Variants in STIM2 observed in about 807,000 individuals in gnomAD.
STIM2 encodes the protein stromal interaction molecule 2.
A neutral mutation model predicts 85.8 loss-of-function variants in STIM2; 31 were observed. The ratio of observed to expected loss-of-function variants is 0.36; its 90% CI spans 0.27 to 0.49. The LOEUF is 0.49. STIM2 is among the 20% of genes least tolerant of loss of function. The pLI is 0.98. For synonymous variants in STIM2, 356 were observed against 331.1 expected (o/e 1.08, Z -0.82); for missense variants, 841 against 927.6 (o/e 0.91, Z 1.21).
intron 2 of STIM2, among the ~76,000 whole-genome samples, chr4:26,934,681 A>G (rs547773945): frequency 1.5e-3 from 228 of 152,308 alleles, no homozygotes; most frequent in African/African-American, 5.3e-3. Flanking sequence ...CGGGAGGCCG[A>G]GGTGGGTGAA....
chr4:26,960,130 A>T (rs899374786), intron 3 of STIM2, among the ~76,000 whole-genome samples: 2 of 152,164 alleles, frequency 1.3e-5, no homozygotes, highest in African/African-American at 2.4e-5. Flanking sequence ...AGTCCCAGGG[A>T]CAGGGCATGT....
At chr4:27,015,537 C>T (rs567501765) in intron 10 of STIM2, among the ~76,000 whole-genome samples, 1 of 152,014 alleles carries the variant, frequency 6.6e-6, no homozygotes, top group East Asian at 1.9e-4. Context: ...CCTGAAAATA[C>T]TTTATTTTCA....
At chr4:26,879,350 C>G (rs1259427737) in intron 1 of STIM2, among the ~76,000 whole-genome samples, 1 of 151,444 alleles carries the variant, frequency 6.6e-6, no homozygotes, top group Non-Finnish European at 1.5e-5. Context: ...TTTTTACCTG[C>G]CTGTGGTGAA....
At chr4:26,908,684 A>G (rs540476460) in intron 1 of STIM2, among the ~76,000 whole-genome samples, 4 of 152,138 alleles carry the variant, frequency 2.6e-5, no homozygotes, top group African/African-American at 4.8e-5. Context: ...GAGTTTCACC[A>G]TGTTGGCCAG....
chr4:27,021,134 T>A (rs1021978714), intron 11 of STIM2: 19 of 1,384,628 alleles, frequency 1.4e-5, no homozygotes, highest in Admixed American at 2.0e-5. Context: ...CACCCACCCT[T>A]CCATTCATTC....
At chr4:27,001,501 A>AAAG (rs1231053217) in intron 5 of STIM2, among the ~76,000 whole-genome samples, 1 of 152,216 alleles carries the variant, frequency 6.6e-6, no homozygotes, top group Non-Finnish European at 1.5e-5. Flanking sequence ...TATCAGCCTT[A>AAAG]GCACTAGTCA....
At chr4:27,019,460 G>C (rs954882683) in intron 11 of STIM2, 1 of 1,289,758 alleles carries the variant, frequency 7.8e-7, no homozygotes, top group Non-Finnish European at 1.0e-6. Context: ...GTGGTTTCTG[G>C]AAATCAGAAG....
intron 1 of STIM2, among the ~76,000 whole-genome samples, chr4:26,902,422 G>A (rs1311910685): frequency 6.6e-6 from 1 of 152,160 alleles, no homozygotes; most frequent in Admixed American, 6.6e-5. Flanking sequence ...AATCCTAAGT[G>A]TTAAGAGTAT....
chr4:26,902,739 A>C (rs1000085504), intron 1 of STIM2, among the ~76,000 whole-genome samples: 1 of 152,102 alleles, frequency 6.6e-6, no homozygotes, highest in African/African-American at 2.4e-5. Flanking sequence ...GCCCATTTCT[A>C]TCCATTTGAT....
At chr4:26,871,054 G>T (rs1722592977) in intron 1 of STIM2, among the ~76,000 whole-genome samples, 1 of 152,172 alleles carries the variant, frequency 6.6e-6, no homozygotes, top group Admixed American at 6.5e-5. Context: ...ATTTGAGAAT[G>T]CTAAATGTGG....
At chr4:26,944,944 T>A (rs1261241614) in intron 2 of STIM2, among the ~76,000 whole-genome samples, 1 of 152,200 alleles carries the variant, frequency 6.6e-6, no homozygotes, top group African/African-American at 2.4e-5. Flanking sequence ...TTTTTGTTTG[T>A]AACTTTTAAG....
intron 10 of STIM2, among the ~76,000 whole-genome samples, chr4:27,011,572 C>T (rs1376635192): frequency 6.6e-6 from 1 of 152,150 alleles, no homozygotes; most frequent in Non-Finnish European, 1.5e-5. Flanking sequence ...TACATACCCA[C>T]TGTTTTATAA....
intron 1 of STIM2, among the ~76,000 whole-genome samples, chr4:26,883,578 TATA>T (rs1454368560): frequency 6.6e-6 from 1 of 152,160 alleles, no homozygotes; most frequent in Non-Finnish European, 1.5e-5. Flanking sequence ...GCCGAAAGTG[TATA>T]ATAAGTTACA....
At chr4:26,910,720 T>C (rs957434439) in intron 1 of STIM2, among the ~76,000 whole-genome samples, 1 of 152,146 alleles carries the variant, frequency 6.6e-6, no homozygotes, top group Admixed American at 6.5e-5. Context: ...AGTAAATGAA[T>C]TGCATATTAA....
rs1728967552 is a variant in STIM2, at chr4:27,023,066, A to C, written c.*70A>C. 2 of 1,433,086 alleles carry C rather than the reference A, an allele frequency of 1.4e-6. No individual in the cohort carries two copies. The highest frequency in any genetic ancestry group is 2.1e-5 in the Admixed American group (1 of 47,970). 88.8% of individuals were successfully genotyped at this position (1,433,086 alleles called of 1,614,324 possible). A position where few individuals can be genotyped will look rare whatever the true frequency, so the allele number is the denominator to read the frequency against. Reference sequence around the variant, plus strand: ...TATTATCCCCCACCCTCCACTCCCCACCTTTTTTTTGGTTTAATTTTAGGA... The same window carrying C: ...TATTATCCCCCACCCTCCACTCCCCCCCTTTTTTTTGGTTTAATTTTAGGA... On this transcript the variant is annotated 3_prime_UTR_variant, in exon 12 of 12. Coordinates refer to ENST00000467087, the MANE Select transcript of STIM2 (RefSeq NM_020860.4).
intron 3 of STIM2, among the ~76,000 whole-genome samples, chr4:26,986,203 G>C (rs1231336281): frequency 2.6e-5 from 4 of 152,158 alleles, no homozygotes; most frequent in African/African-American, 9.7e-5. Flanking sequence ...TGAGTTTTAT[G>C]AGAGGATTCA....
At chr4:26,920,971 T>A (rs1453012399) in intron 2 of STIM2, among the ~76,000 whole-genome samples, 6 of 152,174 alleles carry the variant, frequency 3.9e-5, no homozygotes, top group Admixed American at 3.9e-4. Flanking sequence ...TCTAAAAACA[T>A]GTTGAAGTCC....
At chr4:27,005,043 CTG>C (rs1728284101) in intron 7 of STIM2, among the ~76,000 whole-genome samples, 1 of 152,184 alleles carries the variant, frequency 6.6e-6, no homozygotes, top group Admixed American at 6.5e-5. Flanking sequence ...ATTCCAAAGT[CTG>C]TGTCTTCTTA....
intron 1 of STIM2, among the ~76,000 whole-genome samples, chr4:26,896,626 A>G (rs1201045656): frequency 6.6e-6 from 1 of 152,194 alleles, no homozygotes; most frequent in African/African-American, 2.4e-5. Flanking sequence ...TTCCAATTTT[A>G]AAATTGGAAG....
Sources: gnomAD v4.1 joint callset for allele counts (sites outside exome capture counted in the v4.1 genomes callset) on GRCh38, gnomAD v4.1.1 for gene constraint, MANE v1.5 for transcripts, NCBI Gene and HGNC (gene_info 2026-07-23, HGNC 2026-07-21) for gene names.